Variants in PRDM11 observed in about 807,000 individuals in gnomAD.
PRDM11 encodes the protein PR domain-containing protein 11.
Under a neutral mutation model 97.8 loss-of-function variants are expected in PRDM11, and 20 were observed. The observed-to-expected ratio is 0.20, with a 90% CI of 0.14 to 0.30. The LOEUF (loss-of-function observed/expected upper bound fraction) is 0.30, where lower values mean the gene tolerates loss of function less well. Among genes scored for constraint, PRDM11 ranks in the 10% least tolerant of loss-of-function variants. PRDM11 has a pLI of 1.00. For missense variants in PRDM11, 1,139 were observed against 1,555.2 expected (o/e 0.73, Z 4.50); for synonymous variants, 599 against 637.7 (o/e 0.94, Z 0.91).
chr11:45,137,656 G>A (rs1247867408), intron 1 of PRDM11, among the ~76,000 whole-genome samples: 1 of 152,184 alleles, frequency 6.6e-6, no homozygotes, highest in Non-Finnish European at 1.5e-5. Context: ...GCTGAGATGG[G>A]AGGACTGCTT....
intron 1 of PRDM11, among the ~76,000 whole-genome samples, chr11:45,163,006 A>G (rs77755724): frequency 0.14 from 21,401 of 152,230 alleles, 1,694 homozygotes; most frequent in Middle Eastern, 0.22. Context: ...GGGCCCTGGC[A>G]GTTGCAGTTA....
chr11:45,224,648 A>G lies in PRDM11; in HGVS notation c.1174A>G (p.Ser392Gly). The G allele has an allele frequency of 6.2e-7, 1 of 1,614,234 alleles. No homozygotes were observed. Among genetic ancestry groups the G allele is most frequent in the South Asian group, 1.1e-5 (1 of 91,084 alleles). Residue 392 changes from serine (S) to glycine (G), a missense_variant, in exon 7 of 8, where the codon AGT (serine) becomes GGT (glycine). By Grantham distance (56) the Ser-to-Gly change is moderately conservative (BLOSUM62 0). Transcript: ENST00000683152. ...GGAGCCTTCATCATTCAAGGCCGAC[A>G]GTCCTGCCGAGGCCTCCCTTGCATC... ...EEEPSSFKAD[S>G]PAEASLASDP...
chr11:45,177,361 C>T (rs181695911), intron 1 of PRDM11, among the ~76,000 whole-genome samples: 2 of 152,364 alleles, frequency 1.3e-5, no homozygotes, highest in Admixed American at 6.5e-5. Flanking sequence ...TGCCGACCCC[C>T]CTTCCCCCAA....
chr11:45,102,728 G>A (rs1301684903), intron 1 of PRDM11, among the ~76,000 whole-genome samples: 1 of 152,290 alleles, frequency 6.6e-6, no homozygotes, highest in African/African-American at 2.4e-5. Context: ...TGTGCTGGCC[G>A]CCCTGGTGGA....
At chr11:45,185,160 G>C (rs1390106053) in intron 4 of PRDM11, among the ~76,000 whole-genome samples, 3 of 152,182 alleles carry the variant, frequency 2.0e-5, no homozygotes. Flanking sequence ...TTTAGCAAGA[G>C]CTATTGTAGA....
At chr11:45,150,058 C>T (rs1851622395) in intron 1 of PRDM11, among the ~76,000 whole-genome samples, 1 of 152,186 alleles carries the variant, frequency 6.6e-6, no homozygotes, top group Non-Finnish European at 1.5e-5. Context: ...AGGAGAATGA[C>T]AGAAATCCAG....
chr11:45,094,195 G>A (rs1335845293), upstream of PRDM11, among the ~76,000 whole-genome samples: 1 of 152,226 alleles, frequency 6.6e-6, no homozygotes, highest in Non-Finnish European at 1.5e-5. Flanking sequence ...CTCAATGAAT[G>A]TGAGTCCCTT....
At chr11:45,121,353 G>A (rs1840942393) in intron 1 of PRDM11, among the ~76,000 whole-genome samples, 1 of 152,120 alleles carries the variant, frequency 6.6e-6, no homozygotes, top group African/African-American at 2.4e-5. Flanking sequence ...AAAAGCTGGT[G>A]TGGTTATATT....
intron 7 of PRDM11, 91 bp from the exon 8 acceptor site, chr11:45,225,904 G>A: frequency 7.1e-7 from 1 of 1,401,514 alleles, no homozygotes; most frequent in South Asian, 1.5e-5. Context: ...CCATGGTGTG[G>A]CACCTACCTT....
At position 45,213,748 on chromosome 11, in the gene PRDM11, G is replaced by C. The variant is rs116010791; in HGVS notation, c.555-5822G>C. On this transcript the variant is annotated intron_variant, in intron 5 of 7. Coordinates refer to ENST00000683152, the MANE Select transcript of PRDM11 (RefSeq NM_001384648.1). ...AGACAGCCAAGTCAGGTATTATTAT[G>C]ATCATTTTTATCATCATCATCTGTA... 1,783 of 456,388 alleles carry C rather than the reference G, an allele frequency of 3.9e-3. 21 individuals are homozygous for C. The highest frequency in any genetic ancestry group is 0.033 in the African/African-American group (1,636 of 50,176). The allele number at this position is 456,388 out of a possible 1,614,324, so 28.3% of individuals were successfully genotyped here.
chr11:45,213,700 G>A (rs1407072002), intron 5 of PRDM11: 1 of 456,392 alleles, frequency 2.2e-6, no homozygotes, highest in Admixed American at 2.3e-5. Context: ...TGGTCTCAGT[G>A]GGGGCTCAGG....
intron 1 of PRDM11, among the ~76,000 whole-genome samples, chr11:45,178,683 G>A (rs1852391078): frequency 6.6e-6 from 1 of 152,222 alleles, no homozygotes; most frequent in Non-Finnish European, 1.5e-5. Context: ...CTGTGTGCTG[G>A]GCAAAGTGGA....
intron 1 of PRDM11, among the ~76,000 whole-genome samples, chr11:45,167,279 C>A (rs1852086209): frequency 6.6e-6 from 1 of 152,206 alleles, no homozygotes; most frequent in African/African-American, 2.4e-5. Context: ...TCAGTAATGA[C>A]CACTAATGAC....
At chr11:45,194,355 G>T (rs1032022951) in intron 4 of PRDM11, among the ~76,000 whole-genome samples, 9 of 152,108 alleles carry the variant, frequency 5.9e-5, no homozygotes, top group African/African-American at 1.9e-4. Flanking sequence ...TGGCTTTGCC[G>T]CAGAAGATTT....
chr11:45,171,864 C>T (rs1852209442), intron 1 of PRDM11, among the ~76,000 whole-genome samples: 1 of 152,204 alleles, frequency 6.6e-6, no homozygotes, highest in South Asian at 2.1e-4. Context: ...TGGTTCCCAA[C>T]ACCAGCCCCT....
chr11:45,102,365 C>T (rs1159588263), intron 1 of PRDM11, among the ~76,000 whole-genome samples: 1 of 152,224 alleles, frequency 6.6e-6, no homozygotes, highest in African/African-American at 2.4e-5. Flanking sequence ...AAGGCTCTTC[C>T]TGTCTTAGTT....
In PRDM11 at chr11:45,183,089, C is replaced by G. The variant is rs957188426; in HGVS notation, c.452C>G (p.Thr151Ser). The change falls in exon 4 of 8, where the codon ACC becomes AGC. Residue 151 changes from threonine (T) to serine (S), a missense_variant. Around this residue, in one of 2 missense-constraint regions of PRDM11, gnomAD observed 429 missense variants for 510.3 expected, o/e 0.84. Coordinates refer to ENST00000683152, the MANE Select transcript of PRDM11 (RefSeq NM_001384648.1). The part of the protein sequence containing the change: ...IFGPYEGQIS[T>S]QDKSAGFFSW... ...GGCCCCTATGAGGGGCAGATCTCCACCCAGGACAAATCAGCTGGCTTCTTC... is the reference window on the plus strand; with the variant it reads ...GGCCCCTATGAGGGGCAGATCTCCAGCCAGGACAAATCAGCTGGCTTCTTC... 2.5e-6 allele frequency: 4 copies of G among 1,613,758 alleles called. No homozygotes were observed. The African/African-American group carries it at 4.0e-5, about 16-fold the overall frequency.
chr11:45,202,237 G>A (rs1853355912), intron 4 of PRDM11, among the ~76,000 whole-genome samples: 1 of 152,206 alleles, frequency 6.6e-6, no homozygotes, highest in Admixed American at 6.5e-5. Context: ...TGTGATCAGG[G>A]CAGCCACGTG....
intron 1 of PRDM11, among the ~76,000 whole-genome samples, chr11:45,116,318 C>T (rs1383341149): frequency 2.6e-5 from 4 of 152,198 alleles, no homozygotes; most frequent in East Asian, 1.9e-4. Flanking sequence ...TAGAACACCA[C>T]GTCAAACATC....
Sources: gnomAD v4.1 joint callset for allele counts (sites outside exome capture counted in the v4.1 genomes callset) on GRCh38, gnomAD v4.1.1 for gene constraint, gnomAD v4.1.1 regional missense constraint, MANE v1.5 for transcripts, NCBI Gene and HGNC (gene_info 2026-07-23, HGNC 2026-07-21) for gene names.